The following ZNF845 variants were observed in gnomAD, a reference collection of about 807,000 sequenced individuals.
The protein encoded by ZNF845 is zinc finger protein 845.
A neutral mutation model predicts 76.1 loss-of-function variants in ZNF845; 59 were observed. The observed-to-expected ratio is 0.78, with a 90% CI of 0.63 to 0.96. The LOEUF (loss-of-function observed/expected upper bound fraction) is 0.96. Ranked by LOEUF, ZNF845 falls within the 40% of genes least tolerant of loss-of-function variation. The pLI, the probability that ZNF845 is intolerant of heterozygous loss-of-function variation, is 0.00. For synonymous variants in ZNF845, 361 were observed against 386.9 expected, an observed-to-expected ratio of 0.93 and a Z score of 0.78; for missense variants, 1,045 against 1,172.8, an observed-to-expected ratio of 0.89 and a Z score of 1.59.
intron 3 of ZNF845, among the ~76,000 whole-genome samples, chr19:53,350,086 C>G (rs2085322678): frequency 6.6e-6 from 1 of 152,148 alleles, no homozygotes; most frequent in Admixed American, 6.5e-5. Context: ...CTTGCCTTTT[C>G]TGCATGAATA....
chr19:53,351,293 G>C lies in ZNF845; in HGVS notation c.618G>C (p.Gln206His), dbSNP rs1455701572. The C allele has an allele frequency of 6.2e-7, 1 of 1,614,062 alleles. No homozygotes were observed. The highest frequency in any genetic ancestry group is 8.5e-7 in the Non-Finnish European group (1 of 1,180,040). Residue 206 changes from glutamine to histidine, a missense_variant, in exon 4 of 4, where the codon CAG (glutamine) becomes CAC (histidine). Physicochemically the swap from Gln to His is conservative, Grantham distance 24. Transcript: ENST00000458035. ...FLNSSLLTQKQEVHMREKSFQ... is the reference protein window; with the variant it reads ...FLNSSLLTQKHEVHMREKSFQ... ...ATTCTTCATTACTCACACAAAAGCA[G>C]GAAGTACACATGAGAGAAAAATCTT...
rs749535019 is a variant in ZNF845, at chr19:53,355,447, T to G, written c.*1859T>G. On this transcript the variant is annotated 3_prime_UTR_variant, in exon 4 of 4. Transcript: ENST00000458035. ...TTTTTTATTTTAGTAAAGACGGGGT[T>G]TCACCATGTTGGCCCAGATGGTGGG... The G allele has an allele frequency of 6.6e-6, 1 of 151,890 alleles. No individual in the cohort carries two copies. 9.4% of individuals were successfully genotyped at this position (151,890 alleles called of 1,614,324 possible).
intron 1 of ZNF845, among the ~76,000 whole-genome samples, chr19:53,338,583 G>A (rs2147030928): frequency 7.1e-6 from 1 of 140,464 alleles, no homozygotes; most frequent in African/African-American, 2.7e-5. Context: ...ATTCTTCCAA[G>A]AATCAAGAGT....
At chr19:53,345,979 G>A (rs2085293801) in intron 3 of ZNF845, among the ~76,000 whole-genome samples, 1 of 151,986 alleles carries the variant, frequency 6.6e-6, no homozygotes, top group Non-Finnish European at 1.5e-5. Context: ...GAGTAGCTGG[G>A]ATTACAGGTG....
rs2085357196 is a variant in ZNF845, at chr19:53,353,211, C to G, written c.2536C>G (p.Leu846Val). The change falls in exon 4 of 4, where the codon CTT becomes GTT. Residue 846 changes from leucine (L) to valine (V), a missense_variant. Transcript: ENST00000458035. ...CGKTFRHNSA[L>V]EIHKAIHTGE... ...CAAGACCTTCCGTCACAATTCAGCC[C>G]TTGAAATTCATAAGGCAATTCATAC... 6.2e-7 allele frequency: 1 copy of G among 1,613,902 alleles called. No homozygotes were observed. Among genetic ancestry groups the G allele is most frequent in the Non-Finnish European group, 8.5e-7 (1 of 1,179,872 alleles).
intron 1 of ZNF845, chr19:53,337,281 C>G (rs1437201745): frequency 2.4e-6 from 1 of 410,298 alleles, no homozygotes; most frequent in Non-Finnish European, 4.9e-6. Context: ...TCTCCCATGC[C>G]CTCCCACCCC....
chr19:53,345,000 T>C (rs2085284468), intron 2 of ZNF845, among the ~76,000 whole-genome samples: 1 of 152,130 alleles, frequency 6.6e-6, no homozygotes, highest in Non-Finnish European at 1.5e-5. Context: ...AAATTCATAC[T>C]GAGAGGGTAT....
intron 1 of ZNF845, among the ~76,000 whole-genome samples, chr19:53,340,116 A>G (rs2085245545): frequency 6.7e-6 from 1 of 148,804 alleles, no homozygotes; most frequent in Non-Finnish European, 1.5e-5. Flanking sequence ...CAGTGCCGTG[A>G]TCTTGGCTCA....
In ZNF845 at chr19:53,356,162, G is replaced by T. The variant is rs2085384633; in HGVS notation, c.*2574G>T. On this transcript the variant is annotated 3_prime_UTR_variant, in exon 4 of 4. Transcript: ENST00000458035. ...ACGTCTGAACAGGCTCTAGTTTGAG[G>T]CACTCAGAAGGATAAGACATCAGTT... is the stretch of plus-strand genomic sequence containing the variant. 1 of 152,144 alleles carries T rather than the reference G, an allele frequency of 6.6e-6. No homozygotes were observed. Among genetic ancestry groups the T allele is most frequent in the Non-Finnish European group, 1.5e-5 (1 of 68,042 alleles). 9.4% of individuals were successfully genotyped at this position (152,144 alleles called of 1,614,324 possible). A position where few individuals can be genotyped will look rare whatever the true frequency, so the allele number is the denominator to read the frequency against.
rs1409405270 is a variant in ZNF845 at position 53,356,654 on chromosome 19, G to T, written c.*3066G>T. On this transcript the variant is annotated 3_prime_UTR_variant, in exon 4 of 4. Coordinates refer to ENST00000458035, the MANE Select transcript of ZNF845 (RefSeq NM_138374.3). ...TTAGAAAATTTGTAAATGAGGCCGG[G>T]CGTGGTGGCTCACGCCTGTAATCCC... The T allele has an allele frequency of 1.3e-5, 2 of 152,162 alleles. No individual in the cohort carries two copies. The highest frequency in any genetic ancestry group is 4.8e-5 in the African/African-American group (2 of 41,430). The allele number at this position is 152,162 out of a possible 1,614,324, so 9.4% of individuals were successfully genotyped here.
intron 1 of ZNF845, among the ~76,000 whole-genome samples, chr19:53,336,419 A>C (rs2085213792): frequency 6.6e-6 from 1 of 152,100 alleles, no homozygotes; most frequent in African/African-American, 2.4e-5. Flanking sequence ...CTGAGGCATG[A>C]GAATCACATG....
At chr19:53,334,743 G>C (rs573370090) in intron 1 of ZNF845, among the ~76,000 whole-genome samples, 1 of 83,284 alleles carries the variant, frequency 1.2e-5, no homozygotes, top group Non-Finnish European at 2.4e-5. Flanking sequence ...CCCCATCTCT[G>C]TCAAAAAAAA....
In ZNF845 at chr19:53,353,880, C is replaced by A; in HGVS notation, c.*292C>A. The A allele has an allele frequency of 8.8e-7, 1 of 1,141,366 alleles. No individual in the cohort carries two copies. Among genetic ancestry groups the A allele is most frequent in the Non-Finnish European group, 1.2e-6 (1 of 810,300 alleles). The allele number at this position is 1,141,366 out of a possible 1,614,324, so 70.7% of individuals were successfully genotyped here. A position where few individuals can be genotyped will look rare whatever the true frequency, so the allele number is the denominator to read the frequency against. On this transcript the variant is annotated 3_prime_UTR_variant, in exon 4 of 4. Transcript: ENST00000458035. The stretch of plus-strand genomic sequence containing the variant: ...CACAAAGTCTTCAGTAACACTACAA[C>A]CGTTTCAAATCATTGGAGAATCCAT...
chr19:53,353,892 A>G lies in ZNF845; in HGVS notation c.*304A>G. 1.9e-6 allele frequency: 2 copies of G among 1,075,968 alleles called. No individual in the cohort carries two copies. The highest frequency in any genetic ancestry group is 1.3e-6 in the Non-Finnish European group (1 of 755,324). The allele number at this position is 1,075,968 out of a possible 1,614,324, so 66.7% of individuals were successfully genotyped here. A position where few individuals can be genotyped will look rare whatever the true frequency, so the allele number is the denominator to read the frequency against. ...AGTAACACTACAACCGTTTCAAATC[A>G]TTGGAGAATCCATAATGAGAGATTT... On this transcript the variant is annotated 3_prime_UTR_variant, in exon 4 of 4. Coordinates refer to ENST00000458035, the MANE Select transcript of ZNF845 (RefSeq NM_138374.3).
chr19:53,340,854 G>A (rs1417492570), intron 1 of ZNF845: 1 of 367,212 alleles, frequency 2.7e-6, no homozygotes, highest in Non-Finnish European at 4.9e-6. Context: ...TTCCTGGGCC[G>A]AGGTTGCTCC....
At chr19:53,344,818 T>TA (rs2085283315) in intron 2 of ZNF845, among the ~76,000 whole-genome samples, 1 of 151,894 alleles carries the variant, frequency 6.6e-6, no homozygotes, top group Non-Finnish European at 1.5e-5. Context: ...TTTTCTTTTT[T>TA]AGTAGAAACG....
Position 53,347,973 on chromosome 19 carries a change from T to C in ZNF845, c.142+2341T>C, listed in dbSNP as rs536167448. On this transcript the variant is annotated intron_variant, in intron 3 of 3. Transcript: ENST00000458035. ...GGGATGCTGAGACGGGCGGATCACCTGAGTTAAGGAGTTTGAGGCCACCCT... is the reference window on the plus strand; with the variant it reads ...GGGATGCTGAGACGGGCGGATCACCCGAGTTAAGGAGTTTGAGGCCACCCT... 1.4e-4 allele frequency among the ~76,000 whole-genome samples: 22 copies of C among 152,338 alleles called. No individual in the cohort carries two copies. In the South Asian group the frequency reaches 4.6e-3, roughly 32 times the overall value.
chr19:53,335,265 T>A (rs927194395), intron 1 of ZNF845, among the ~76,000 whole-genome samples: 1 of 152,052 alleles, frequency 6.6e-6, no homozygotes, highest in Non-Finnish European at 1.5e-5. Context: ...ATTTAATTAA[T>A]TAATTTATAG....
At chr19:53,349,207 C>T (rs1378819330) in intron 3 of ZNF845, among the ~76,000 whole-genome samples, 1 of 152,040 alleles carries the variant, frequency 6.6e-6, no homozygotes, top group Admixed American at 6.6e-5. Flanking sequence ...TGACCTCGTA[C>T]ATCAGAAGGT....
Sources: gnomAD v4.1 joint callset for allele counts (sites outside exome capture counted in the v4.1 genomes callset) on GRCh38, gnomAD v4.1.1 for gene constraint, MANE v1.5 for transcripts, NCBI Gene and HGNC (gene_info 2026-07-23, HGNC 2026-07-21) for gene names.